Variants in DPYD observed in about 807,000 individuals in gnomAD.
The protein encoded by DPYD is dihydropyrimidine dehydrogenase [NADP(+)].
In DPYD, 109 loss-of-function variants were observed where a neutral mutation model predicts 116.2. That is an observed-to-expected ratio of 0.94 (90% CI 0.80 to 1.10). The LOEUF (loss-of-function observed/expected upper bound fraction) is 1.10. Among genes scored for constraint, DPYD ranks in the 50% least tolerant of loss-of-function variants. The probability of loss-of-function intolerance (pLI) is 0.00; values close to 1 mark genes in which losing one functional copy is unlikely to be tolerated. For synonymous variants in DPYD, 440 were observed against 432.0 expected (o/e 1.02, Z -0.23); for missense variants, 1,302 against 1,254.5 (o/e 1.04, Z -0.57).
intron 19 of DPYD, among the ~76,000 whole-genome samples, chr1:97,200,415 A>G (rs1269152838): frequency 6.6e-6 from 1 of 152,198 alleles, no homozygotes; most frequent in East Asian, 1.9e-4. Flanking sequence ...AATGGTTATC[A>G]CATCACAAAT....
intron 20 of DPYD, among the ~76,000 whole-genome samples, chr1:97,161,041 C>T (rs1655857683): frequency 6.6e-6 from 1 of 152,124 alleles, no homozygotes; most frequent in African/African-American, 2.4e-5. Context: ...TTTTAGCATA[C>T]AGTGGTCTAA....
intron 3 of DPYD, among the ~76,000 whole-genome samples, chr1:97,756,473 T>C (rs1361593803): frequency 2.6e-5 from 4 of 152,162 alleles, no homozygotes; most frequent in Admixed American, 2.6e-4. Context: ...ATGAATGCCT[T>C]CCATATGATG....
chr1:97,245,561 A>G (rs1248764472), intron 18 of DPYD, among the ~76,000 whole-genome samples: 1 of 152,144 alleles, frequency 6.6e-6, no homozygotes, highest in Non-Finnish European at 1.5e-5. Context: ...GTTACACAGC[A>G]TAAAAATCTC....
chr1:97,342,794 T>C (rs948932526), intron 16 of DPYD, among the ~76,000 whole-genome samples: 1 of 152,132 alleles, frequency 6.6e-6, no homozygotes, highest in African/African-American at 2.4e-5. Context: ...TTCAAGGATT[T>C]TGAATTGTTT....
chr1:97,314,490 CTTTTTTTTTTT>C, intron 16 of DPYD, among the ~76,000 whole-genome samples: 1 of 123,376 alleles, frequency 8.1e-6, no homozygotes, highest in East Asian at 2.4e-4. Flanking sequence ...CTAAAGCTTT[CTTTTTTTTTTT>C]TTTTTTTTTT....
Position 97,641,135 on chromosome 1 carries a change from C to T in DPYD, c.850+37960G>A, listed in dbSNP as rs567615744. On this transcript the variant is annotated intron_variant, in intron 8 of 22. Transcript: ENST00000370192. ...CTGTCCTCAGGCTTGCATGGGGGAA[C>T]ATACCAAATGATCATTTCTTTATAC... 3.3e-5 allele frequency among the ~76,000 whole-genome samples: 5 copies of T among 152,234 alleles called. No individual in the cohort carries two copies. The East Asian group carries it at 9.7e-4, about 29-fold the overall frequency.
intron 1 of DPYD, among the ~76,000 whole-genome samples, chr1:97,891,275 G>A (rs1356206637): frequency 1.3e-5 from 2 of 151,860 alleles, no homozygotes; most frequent in Non-Finnish European, 2.9e-5. Context: ...GATGAATTGA[G>A]CACTTTAAGA....
chr1:97,208,317 A>T (rs1414715888), intron 19 of DPYD, among the ~76,000 whole-genome samples: 26 of 118,594 alleles, frequency 2.2e-4, no homozygotes, highest in Middle Eastern at 6.7e-3. Flanking sequence ...ACAGGGTCTC[A>T]CTCTGTTGCC....
intron 18 of DPYD, among the ~76,000 whole-genome samples, chr1:97,261,516 TAAAAAAGAACGA>T (rs1557981226): frequency 2.1e-5 from 1 of 46,776 alleles, no homozygotes. Flanking sequence ...TTTTTTTTTT[TAAAAAAGAACGA>T]TTTGTGTCTC....
At chr1:97,087,479 TGA>T (rs1240932342) in intron 21 of DPYD, among the ~76,000 whole-genome samples, 1 of 151,806 alleles carries the variant, frequency 6.6e-6, no homozygotes, top group Non-Finnish European at 1.5e-5. Flanking sequence ...CCGGCGAGGG[TGA>T]GAGAAGCAAG....
At chr1:97,247,880 C>T (rs1662828721) in intron 18 of DPYD, among the ~76,000 whole-genome samples, 1 of 152,110 alleles carries the variant, frequency 6.6e-6, no homozygotes, top group Non-Finnish European at 1.5e-5. Flanking sequence ...AAAACATTTT[C>T]ACAAAGCAAA....
intron 7 of DPYD, among the ~76,000 whole-genome samples, chr1:97,681,649 TA>T (rs2100923570): frequency 6.6e-6 from 1 of 152,256 alleles, no homozygotes; most frequent in East Asian, 1.9e-4. Flanking sequence ...TCGATGCTAT[TA>T]AAATCATCTA....
chr1:97,818,905 TA>T (rs1668775836), intron 3 of DPYD, among the ~76,000 whole-genome samples: 2 of 151,990 alleles, frequency 1.3e-5, no homozygotes, highest in African/African-American at 4.8e-5. Flanking sequence ...GACATATACA[TA>T]CATTCATATT....
intron 11 of DPYD, among the ~76,000 whole-genome samples, chr1:97,553,241 A>G (rs1019726650): frequency 2.1e-4 from 32 of 151,978 alleles, no homozygotes; most frequent in African/African-American, 7.7e-4. Flanking sequence ...GGAGCTAAAT[A>G]CCTTTCCTAA....
intron 19 of DPYD, among the ~76,000 whole-genome samples, chr1:97,214,922 C>T (rs1468580484): frequency 1.3e-5 from 2 of 152,196 alleles, no homozygotes; most frequent in African/African-American, 2.4e-5. Context: ...TAACACTTGA[C>T]CCTTTCCTTG....
rs1042053783 is a variant in DPYD at position 97,627,608 on chromosome 1, T to C, written c.851-32442A>G. On this transcript the variant is annotated intron_variant, in intron 8 of 22. Transcript: ENST00000370192. The stretch of plus-strand genomic sequence containing the variant: ...ACACTGTATTAGGATGCCTTTATCT[T>C]ACCCACTTATGCTATCATCTGCCAT... 2.0e-5 allele frequency among the ~76,000 whole-genome samples: 3 copies of C among 152,058 alleles called. No homozygotes were observed. The South Asian group carries it at 6.2e-4, about 31-fold the overall frequency.
chr1:97,678,214 G>A (rs1034623604), intron 8 of DPYD, among the ~76,000 whole-genome samples: 3 of 152,100 alleles, frequency 2.0e-5, no homozygotes, highest in African/African-American at 7.2e-5. Context: ...TCACAATAGA[G>A]TTTGCACTCC....
At chr1:97,644,907 C>T (rs1658165646) in intron 8 of DPYD, among the ~76,000 whole-genome samples, 1 of 151,974 alleles carries the variant, frequency 6.6e-6, no homozygotes, top group Non-Finnish European at 1.5e-5. Flanking sequence ...TCTTGGGTAG[C>T]CTTGTGTCTA....
At chr1:97,142,097 C>A (rs1293606921) in intron 20 of DPYD, among the ~76,000 whole-genome samples, 1 of 152,142 alleles carries the variant, frequency 6.6e-6, no homozygotes, top group African/African-American at 2.4e-5. Context: ...ATACTTTGAG[C>A]TTTATCCCCA....
Sources: allele counts gnomAD v4.1 joint callset (sites outside exome capture counted in the v4.1 genomes callset), GRCh38; gene constraint gnomAD v4.1.1; transcripts MANE v1.5; gene names NCBI Gene and HGNC (gene_info 2026-07-23, HGNC 2026-07-21).